Variants in CRYL1 observed in about 807,000 individuals in gnomAD.
CRYL1 encodes the protein crystallin lambda 1.
Under a neutral mutation model 36.6 loss-of-function variants are expected in CRYL1, and 29 were observed. That is an observed-to-expected ratio of 0.79 (90% CI 0.59 to 1.08). The LOEUF (loss-of-function observed/expected upper bound fraction) is 1.08, where lower values mean the gene tolerates loss of function less well. Among genes scored for constraint, CRYL1 ranks in the 50% least tolerant of loss-of-function variants. CRYL1 has a pLI of 0.00. For missense variants in CRYL1, 411 were observed against 407.9 expected (o/e 1.01, Z -0.06); for synonymous variants, 152 against 151.5 (o/e 1.00, Z -0.02).
At chr13:20,407,203 A>G (rs2031399700) in intron 6 of CRYL1, among the ~76,000 whole-genome samples, 1 of 151,858 alleles carries the variant, frequency 6.6e-6, no homozygotes. Context: ...TCTTACTGAT[A>G]TAAAAACTTT....
intron 2 of CRYL1, among the ~76,000 whole-genome samples, chr13:20,511,031 G>A (rs772815141): frequency 2.6e-5 from 4 of 152,088 alleles, no homozygotes; most frequent in Non-Finnish European, 4.4e-5. Flanking sequence ...GTCTATGTGA[G>A]TGGTTTTTCG....
intron 6 of CRYL1, among the ~76,000 whole-genome samples, chr13:20,405,262 C>T (rs924001290): frequency 6.6e-6 from 1 of 151,400 alleles, no homozygotes; most frequent in East Asian, 1.9e-4. Context: ...CAGAGCGAGA[C>T]TCCGTCTCAA....
intron 5 of CRYL1, among the ~76,000 whole-genome samples, chr13:20,421,075 A>T (rs1457520243): frequency 7.2e-6 from 1 of 139,060 alleles, no homozygotes; most frequent in Non-Finnish European, 1.6e-5. Context: ...CAAAAAAAAA[A>T]ATGGAAAGGA....
At chr13:20,460,191 T>TG (rs2032777772) in intron 3 of CRYL1, among the ~76,000 whole-genome samples, 2 of 151,718 alleles carry the variant, frequency 1.3e-5, no homozygotes, top group East Asian at 3.9e-4. Context: ...GGTTGTTTCC[T>TG]ATTTTTTGTT....
At chr13:20,482,785 G>A (rs1296500220) in intron 3 of CRYL1, among the ~76,000 whole-genome samples, 1 of 152,156 alleles carries the variant, frequency 6.6e-6, no homozygotes, top group Non-Finnish European at 1.5e-5. Context: ...ACGCACACAC[G>A]CGTCTCCTCA....
In CRYL1 at chr13:20,439,728, C is replaced by T. The variant is rs1323700359; in HGVS notation, c.303G>A (p.Leu101=). 1 of 1,613,954 alleles carries T rather than the reference C, an allele frequency of 6.2e-7. No individual in the cohort carries two copies. Among genetic ancestry groups the T allele is most frequent in the Non-Finnish European group, 8.5e-7 (1 of 1,180,006 alleles). The change falls in exon 4 of 8, where the codon CTG becomes CTA. Residue 101 remains leucine, a synonymous_variant. Transcript: ENST00000298248. The stretch of plus-strand genomic sequence containing the variant: ...CTAACTGAGCAAAAATCTTCTTCTT[C>T]AGTTCTAGATCTTCTGGAACACATT... The part of the protein sequence containing the change: ...IQECVPEDLE[L]KKKIFAQLDS...
At chr13:20,457,635 G>A (rs1035755683) in intron 3 of CRYL1, among the ~76,000 whole-genome samples, 9 of 152,090 alleles carry the variant, frequency 5.9e-5, no homozygotes, top group East Asian at 1.9e-4. Flanking sequence ...GCAAAGCTTC[G>A]GTGTCATAAG....
chr13:20,461,136 C>T (rs962348143), intron 3 of CRYL1, among the ~76,000 whole-genome samples: 8 of 152,206 alleles, frequency 5.3e-5, no homozygotes, highest in African/African-American at 1.7e-4. Context: ...TTTTCCTCTT[C>T]CTGAATTGCT....
At chr13:20,454,699 G>T (rs922530027) in intron 3 of CRYL1, among the ~76,000 whole-genome samples, 1 of 152,150 alleles carries the variant, frequency 6.6e-6, no homozygotes, top group African/African-American at 2.4e-5. Flanking sequence ...GATTACAGGC[G>T]TGAGCCACCG....
intron 5 of CRYL1, among the ~76,000 whole-genome samples, chr13:20,422,597 C>T (rs557474682): frequency 2.6e-5 from 4 of 152,190 alleles, no homozygotes; most frequent in East Asian, 1.9e-4. Context: ...GCTCTGCACA[C>T]GGGTGGCATG....
In CRYL1 at chr13:20,405,661, C is replaced by T. The variant is rs540157588; in HGVS notation, c.740-920G>A. On this transcript the variant is annotated intron_variant, in intron 6 of 7. Coordinates refer to ENST00000298248, the MANE Select transcript of CRYL1 (RefSeq NM_015974.3). The stretch of plus-strand genomic sequence containing the variant: ...GCTCATCTGCACAAGCCCCCATGCA[C>T]GCTCCCCACGCTCCTGCTGCTCCCC... Among the ~76,000 whole-genome samples, 6 of 152,296 alleles carry T rather than the reference C, an allele frequency of 3.9e-5. No individual in the cohort carries two copies. The South Asian group carries it at 1.2e-3, about 32-fold the overall frequency.
At chr13:20,411,268 C>T (rs910826759) in intron 6 of CRYL1, among the ~76,000 whole-genome samples, 4 of 152,170 alleles carry the variant, frequency 2.6e-5, no homozygotes, top group Non-Finnish European at 5.9e-5. Flanking sequence ...AAACTACATC[C>T]GTCCACCATT....
intron 2 of CRYL1, among the ~76,000 whole-genome samples, chr13:20,507,848 G>A (rs932927685): frequency 1.3e-5 from 2 of 151,666 alleles, no homozygotes; most frequent in African/African-American, 2.4e-5. Flanking sequence ...AACCTGGGAG[G>A]CGGAGCTTGC....
In CRYL1 at chr13:20,450,129, A is replaced by G. The variant is rs528462998; in HGVS notation, c.277-10375T>C. ...TATGGAACCAAAATCGAGCCTGAAC[A>G]AAAATCCAGCCTAAGCAAAAAGAAC... On this transcript the variant is annotated intron_variant, in intron 3 of 7. Coordinates refer to ENST00000298248, the MANE Select transcript of CRYL1 (RefSeq NM_015974.3). Among the ~76,000 whole-genome samples, 99 of 152,290 alleles carry G rather than the reference A, an allele frequency of 6.5e-4. 2 individuals are homozygous for G. The South Asian group carries it at 0.018, about 27-fold the overall frequency.
Position 20,509,319 on chromosome 13 carries a change from C to T in CRYL1, c.149+3124G>A, listed in dbSNP as rs2033872161. On this transcript the variant is annotated intron_variant, in intron 2 of 7. Coordinates refer to ENST00000298248, the MANE Select transcript of CRYL1 (RefSeq NM_015974.3). ...AGGGTTTTTTTTTTCTTTCTCCTGACTATATGACTTTGAGCTATTTTTACT... is the reference window on the plus strand; with the variant it reads ...AGGGTTTTTTTTTTCTTTCTCCTGATTATATGACTTTGAGCTATTTTTACT... Among the ~76,000 whole-genome samples the T allele has an allele frequency of 2.0e-5, 3 of 149,290 alleles. No individual in the cohort carries two copies. In the South Asian group the frequency reaches 6.3e-4, roughly 31 times the overall value.
chr13:20,500,981 G>A (rs2033692267), intron 2 of CRYL1, among the ~76,000 whole-genome samples: 1 of 151,976 alleles, frequency 6.6e-6, no homozygotes, highest in African/African-American at 2.4e-5. Flanking sequence ...GAGACTCCAG[G>A]CCCCTCATTC....
At chr13:20,508,280 C>A (rs555348593) in intron 2 of CRYL1, among the ~76,000 whole-genome samples, 68 of 152,100 alleles carry the variant, frequency 4.5e-4, no homozygotes, top group Non-Finnish European at 7.6e-4. Flanking sequence ...GCCAGGATAG[C>A]CCTCAAGGAC....
chr13:20,492,405 T>C (rs2033529858), intron 2 of CRYL1, among the ~76,000 whole-genome samples: 1 of 152,198 alleles, frequency 6.6e-6, no homozygotes, highest in South Asian at 2.1e-4. Context: ...ACAAATGTAT[T>C]ATCTTACAGT....
At chr13:20,424,256 T>C (rs1173812584) in intron 5 of CRYL1, among the ~76,000 whole-genome samples, 1 of 152,124 alleles carries the variant, frequency 6.6e-6, no homozygotes, top group Non-Finnish European at 1.5e-5. Context: ...ACGTGGGTGA[T>C]GTATCCGCTC....
Sources: gnomAD v4.1 joint callset for allele counts (sites outside exome capture counted in the v4.1 genomes callset) on GRCh38, gnomAD v4.1.1 for gene constraint, MANE v1.5 for transcripts, NCBI Gene and HGNC (gene_info 2026-07-23, HGNC 2026-07-21) for gene names.